Variants in ADAMTS16 observed in about 807,000 individuals in gnomAD.
The protein encoded by ADAMTS16 is ADAM metallopeptidase with thrombospondin type 1 motif 16.
Under a neutral mutation model 145.8 loss-of-function variants are expected in ADAMTS16, and 94 were observed. That is an observed-to-expected ratio of 0.64 (90% CI 0.55 to 0.77). ADAMTS16 has a LOEUF of 0.77. ADAMTS16 is among the 30% of genes least tolerant of loss of function. ADAMTS16 has a pLI of 0.00. For missense variants in ADAMTS16, 1,585 were observed against 1,591.5 expected (o/e 1.00, Z 0.07); for synonymous variants, 659 against 604.3 (o/e 1.09, Z -1.33).
At chr5:5,274,089 CA>C (rs1005334498) in intron 18 of ADAMTS16, among the ~76,000 whole-genome samples, 7 of 152,114 alleles carry the variant, frequency 4.6e-5, no homozygotes, top group Non-Finnish European at 1.0e-4. Context: ...CAACATTAAG[CA>C]GAAAGTAGAA....
At chr5:5,253,063 T>C (rs1737675755) in intron 17 of ADAMTS16, among the ~76,000 whole-genome samples, 1 of 152,206 alleles carries the variant, frequency 6.6e-6, no homozygotes, top group African/African-American at 2.4e-5. Flanking sequence ...AACTCTTCTT[T>C]CTCCTACTTC....
At chr5:5,221,174 A>G (rs1044031826) in intron 10 of ADAMTS16, among the ~76,000 whole-genome samples, 1 of 152,022 alleles carries the variant, frequency 6.6e-6, no homozygotes, top group African/African-American at 2.4e-5. Context: ...CCTGCAAGCA[A>G]ATAGAGCTGG....
At chr5:5,275,156 A>C (rs1738638752) in intron 18 of ADAMTS16, among the ~76,000 whole-genome samples, 1 of 152,212 alleles carries the variant, frequency 6.6e-6, no homozygotes, top group Admixed American at 6.5e-5. Context: ...GGAAGAACAC[A>C]ATATATTGTT....
intron 18 of ADAMTS16, among the ~76,000 whole-genome samples, chr5:5,285,478 C>T (rs962143137): frequency 7.9e-5 from 12 of 152,202 alleles, no homozygotes; most frequent in South Asian, 4.1e-4. Context: ...GGCTCCACGA[C>T]GTGCTCCTGC....
chr5:5,146,497 G>T lies in ADAMTS16; in HGVS notation c.501+42G>T, dbSNP rs1206224443. The T allele has an allele frequency of 4.5e-6, 7 of 1,553,594 alleles. No homozygotes were observed. In the East Asian group the frequency reaches 1.6e-4, roughly 35 times the overall value. ...CCCCAGGTAGGGAGGCGAGGTTGGT[G>T]ATGGTGGAAAGGAGAGCGTAACCAG... On this transcript the variant is annotated intron_variant, in intron 3 of 22. Coordinates refer to ENST00000274181, the MANE Select transcript of ADAMTS16 (RefSeq NM_139056.4).
At chr5:5,172,101 C>T (rs1735057062) in intron 3 of ADAMTS16, among the ~76,000 whole-genome samples, 1 of 151,962 alleles carries the variant, frequency 6.6e-6, no homozygotes. Context: ...TGTAATGTCT[C>T]CTTCGTAATC....
intron 3 of ADAMTS16, among the ~76,000 whole-genome samples, chr5:5,160,916 A>C (rs1264744894): frequency 6.6e-6 from 1 of 152,198 alleles, no homozygotes; most frequent in African/African-American, 2.4e-5. Context: ...ACAGTGTTCG[A>C]TAGATTTGGG....
rs1165316966 is a variant in ADAMTS16, at chr5:5,140,660, G to C, written c.73-4G>C. ...CACCGCGATGTCGCCGCTGTTTTCC[G>C]CAGGCACCTGCGTGCGCCATGGGAC... On this transcript the variant is annotated splice_region_variant and splice_polypyrimidine_tract_variant and intron_variant, in intron 1 of 22. Coordinates refer to ENST00000274181, the MANE Select transcript of ADAMTS16 (RefSeq NM_139056.4). 13 of 1,545,718 alleles carry C rather than the reference G, an allele frequency of 8.4e-6. No homozygotes were observed. The highest frequency in any genetic ancestry group is 2.0e-4 in the Middle Eastern group (1 of 4,948).
chr5:5,148,384 G>C (rs961005316), intron 3 of ADAMTS16, among the ~76,000 whole-genome samples: 1 of 152,226 alleles, frequency 6.6e-6, no homozygotes, highest in African/African-American at 2.4e-5. Flanking sequence ...ATCTCTTCTA[G>C]CAGGAAATGC....
chr5:5,185,493 G>A (rs1735471059), intron 4 of ADAMTS16, among the ~76,000 whole-genome samples: 1 of 152,192 alleles, frequency 6.6e-6, no homozygotes, highest in Admixed American at 6.5e-5. Flanking sequence ...AATATTTATG[G>A]TACTTTCTAG....
In ADAMTS16 at chr5:5,242,107, T is replaced by G. The variant is rs199708869; in HGVS notation, c.2578T>G (p.Leu860Val). Residue 860 changes from leucine to valine, a missense_variant, in exon 17 of 23, where the codon TTG becomes GTG. Physicochemically the swap from Leu to Val is conservative, Grantham distance 32 (BLOSUM62 1). Transcript: ENST00000274181. ...TGCCTGGGAATACTCCATGCCTCGCTTGGGGACCGAGAAGCAGCCCCCTGC... is the reference window on the plus strand; with the variant it reads ...TGCCTGGGAATACTCCATGCCTCGCGTGGGGACCGAGAAGCAGCCCCCTGC... Reference protein sequence around the residue: ...GVAWEYSMPRLGTEKQPPAQP... With the variant: ...GVAWEYSMPRVGTEKQPPAQP... 43 of 1,614,226 alleles carry G rather than the reference T, an allele frequency of 2.7e-5. No individual in the cohort carries two copies. In the African/African-American group the frequency reaches 5.2e-4, roughly 20 times the overall value.
intron 9 of ADAMTS16, among the ~76,000 whole-genome samples, chr5:5,202,993 AT>A: frequency 1.3e-5 from 2 of 152,280 alleles, no homozygotes; most frequent in South Asian, 4.2e-4. Context: ...ATTAAAAGCC[AT>A]TTTCTTTCTA....
rs769609168 is a variant in ADAMTS16, at chr5:5,146,170, C to T, written c.216C>T (p.Gly72=). ...CTGCCTACGAGGTTGACCACAGGGG[C>T]GATTACGTGTCCCATGAAATCATGC... ...LVSAYEVDHR[G]DYVSHEIMHH... Residue 72 remains glycine (G), a synonymous_variant, in exon 3 of 23, where the codon GGC becomes GGT. Transcript: ENST00000274181. The T allele has an allele frequency of 3.7e-6, 6 of 1,614,000 alleles. No homozygotes were observed. The highest frequency in any genetic ancestry group is 1.6e-4 in the Middle Eastern group (1 of 6,084).
intron 18 of ADAMTS16, among the ~76,000 whole-genome samples, chr5:5,272,608 G>A (rs907780694): frequency 4.0e-5 from 6 of 151,824 alleles, no homozygotes; most frequent in Non-Finnish European, 7.4e-5. Context: ...CTGGTGATCC[G>A]CCTGCCTCGG....
At chr5:5,268,031 G>T (rs1341163766) in intron 18 of ADAMTS16, among the ~76,000 whole-genome samples, 1 of 152,142 alleles carries the variant, frequency 6.6e-6, no homozygotes, top group African/African-American at 2.4e-5. Context: ...TGTGGCCTTG[G>T]GGAAGTGGCT....
chr5:5,242,169 G>T lies in ADAMTS16; in HGVS notation c.2640G>T (p.Glu880Asp). Residue 880 changes from glutamate (E) to aspartate (D), a missense_variant, in exon 17 of 23, where the codon GAG (glutamate) becomes GAT (aspartate). This residue lies in a region of ADAMTS16 where 834 missense variants were observed against 811.7 expected (regional missense o/e 1.03). Coordinates refer to ENST00000274181, the MANE Select transcript of ADAMTS16 (RefSeq NM_139056.4). ...PSYTWAIVRS[E>D]CSVSCGGGQM... ...ACACTTGGGCCATCGTGCGCTCTGA[G>T]TGCTCCGTGTCCTGCGGAGGGGGTA... 1.9e-6 allele frequency: 3 copies of T among 1,614,106 alleles called. No individual in the cohort carries two copies. The highest frequency in any genetic ancestry group is 2.5e-6 in the Non-Finnish European group (3 of 1,180,030).
At chr5:5,174,689 CT>C (rs1184507801) in intron 3 of ADAMTS16, among the ~76,000 whole-genome samples, 1 of 152,158 alleles carries the variant, frequency 6.6e-6, no homozygotes, top group Admixed American at 6.5e-5. Context: ...TGTCTTCAAG[CT>C]CATTAACTCT....
intron 18 of ADAMTS16, among the ~76,000 whole-genome samples, chr5:5,293,689 A>G (rs936238037): frequency 1.3e-5 from 2 of 152,154 alleles, no homozygotes; most frequent in African/African-American, 2.4e-5. Context: ...AAAAGGAAAA[A>G]GAGTTTACTA....
At chr5:5,220,734 C>T (rs115924257) in intron 10 of ADAMTS16, among the ~76,000 whole-genome samples, 1,993 of 152,154 alleles carry the variant, frequency 0.013, 38 homozygotes, top group African/African-American at 0.044. Context: ...CACGATTAGA[C>T]GTTGCTGTCC....
Sources: allele counts gnomAD v4.1 joint callset (sites outside exome capture counted in the v4.1 genomes callset), GRCh38; gene constraint gnomAD v4.1.1; regional missense constraint gnomAD v4.1.1; transcripts MANE v1.5; gene names NCBI Gene and HGNC (gene_info 2026-07-23, HGNC 2026-07-21).